Variants in CACNB2 observed in about 807,000 individuals in gnomAD.
The protein encoded by CACNB2 is voltage-dependent L-type calcium channel subunit beta-2.
Under a neutral mutation model 73.3 loss-of-function variants are expected in CACNB2, and 42 were observed. That is an observed-to-expected ratio of 0.57 (90% CI 0.45 to 0.74). The LOEUF (loss-of-function observed/expected upper bound fraction) is 0.74. Ranked by LOEUF, CACNB2 falls within the 30% of genes least tolerant of loss-of-function variation. CACNB2 has a pLI of 0.00. For missense variants in CACNB2, 940 were observed against 853.0 expected, an observed-to-expected ratio of 1.10 and a Z score of -1.27; for synonymous variants, 348 against 310.3, an observed-to-expected ratio of 1.12 and a Z score of -1.28.
intron 9 of CACNB2, among the ~76,000 whole-genome samples, chr10:18,527,156 G>A (rs905069884): frequency 5.3e-5 from 8 of 151,936 alleles, no homozygotes; most frequent in East Asian, 1.9e-4. Flanking sequence ...CGAGGGAGGC[G>A]GATCACTTGA....
intron 2 of CACNB2, among the ~76,000 whole-genome samples, chr10:18,213,805 C>T (rs2131361516): frequency 6.6e-6 from 1 of 152,308 alleles, no homozygotes; most frequent in Non-Finnish European, 1.5e-5. Flanking sequence ...GACAGAGTAT[C>T]TGTGGCCAAG....
At chr10:18,197,656 T>G (rs1413471619) in intron 2 of CACNB2, among the ~76,000 whole-genome samples, 1 of 152,186 alleles carries the variant, frequency 6.6e-6, no homozygotes. Flanking sequence ...TTGGGCCACA[T>G]GCCGGTTCCT....
intron 3 of CACNB2, among the ~76,000 whole-genome samples, chr10:18,411,365 G>A (rs1393076594): frequency 1.3e-5 from 2 of 152,130 alleles, no homozygotes; most frequent in African/African-American, 2.4e-5. Flanking sequence ...CATTGGTACT[G>A]TCGTTCTTCC....
At position 18,449,112 on chromosome 10, in the gene CACNB2, C is replaced by A. The variant is rs182200147; in HGVS notation, c.333+47069C>A. On this transcript the variant is annotated intron_variant, in intron 3 of 13. Transcript: ENST00000324631. ...GCTAAAACGAGAACGTGCCCAGGTG[C>A]GGTGGCTCACGCCTGTAATCCCAGC... Among the ~76,000 whole-genome samples the A allele has an allele frequency of 1.9e-4, 29 of 152,228 alleles. No individual in the cohort carries two copies. In the East Asian group the frequency reaches 5.4e-3, roughly 28 times the overall value.
chr10:18,399,320 T>G (rs1032237591), intron 2 of CACNB2, among the ~76,000 whole-genome samples: 1 of 152,224 alleles, frequency 6.6e-6, no homozygotes, highest in Non-Finnish European at 1.5e-5. Context: ...CTTGTAAATT[T>G]GCTTGAACGA....
intron 3 of CACNB2, among the ~76,000 whole-genome samples, chr10:18,415,785 G>A (rs1458208921): frequency 3.3e-5 from 5 of 152,044 alleles, no homozygotes; most frequent in East Asian, 3.9e-4. Context: ...ATAACCATTC[G>A]TAAGTGTACA....
At chr10:18,247,796 C>G (rs1043685378) in intron 2 of CACNB2, among the ~76,000 whole-genome samples, 11 of 152,200 alleles carry the variant, frequency 7.2e-5, no homozygotes, top group African/African-American at 2.7e-4. Flanking sequence ...CCATTACCTT[C>G]ATAGTATCTG....
chr10:18,201,039 A>C (rs2034855959), intron 2 of CACNB2, among the ~76,000 whole-genome samples: 1 of 152,188 alleles, frequency 6.6e-6, no homozygotes, highest in South Asian at 2.1e-4. Context: ...TTATGGCCAA[A>C]TTAATTCTAT....
At chr10:18,400,120 G>A (rs925594245) in intron 2 of CACNB2, among the ~76,000 whole-genome samples, 1 of 152,190 alleles carries the variant, frequency 6.6e-6, no homozygotes, top group Admixed American at 6.5e-5. Flanking sequence ...TTATAAAGCG[G>A]TGATTACTTT....
chr10:18,301,049 G>C (rs1050463788), intron 2 of CACNB2, among the ~76,000 whole-genome samples: 1 of 152,118 alleles, frequency 6.6e-6, no homozygotes, highest in Admixed American at 6.6e-5. Flanking sequence ...AAGTGAGATG[G>C]AGACTCTCAA....
chr10:18,310,637 A>T (rs2039926695), intron 2 of CACNB2, among the ~76,000 whole-genome samples: 2 of 150,384 alleles, frequency 1.3e-5, no homozygotes, highest in African/African-American at 2.4e-5. Context: ...AAGTAAAAAA[A>T]AAAAGAAAAT....
At chr10:18,428,633 C>T (rs186057992) in intron 3 of CACNB2, among the ~76,000 whole-genome samples, 1 of 151,024 alleles carries the variant, frequency 6.6e-6, no homozygotes, top group Non-Finnish European at 1.5e-5. Context: ...TTGTAGTGAG[C>T]CCAGATCACA....
intron 3 of CACNB2, among the ~76,000 whole-genome samples, chr10:18,412,595 C>T (rs1411080421): frequency 3.9e-5 from 6 of 152,224 alleles, no homozygotes; most frequent in Admixed American, 6.5e-5. Flanking sequence ...CCCTTGACAT[C>T]TCTGCAAACT....
At chr10:18,526,745 T>C (rs980885356) in intron 9 of CACNB2, among the ~76,000 whole-genome samples, 3 of 152,210 alleles carry the variant, frequency 2.0e-5, no homozygotes, top group African/African-American at 7.2e-5. Flanking sequence ...ACAATCATCA[T>C]CTTTAATTAT....
intron 2 of CACNB2, among the ~76,000 whole-genome samples, chr10:18,346,823 C>G (rs1303987214): frequency 6.6e-6 from 1 of 151,648 alleles, no homozygotes. Flanking sequence ...TCTGAAACTC[C>G]TGAGCTCAAG....
chr10:18,209,939 G>A (rs1266391112), intron 2 of CACNB2, among the ~76,000 whole-genome samples: 1 of 152,134 alleles, frequency 6.6e-6, no homozygotes, highest in South Asian at 2.1e-4. Context: ...GCTCCTTGGT[G>A]GATGTCTAGA....
At chr10:18,155,873 AGG>A (rs2032003186) in intron 2 of CACNB2, among the ~76,000 whole-genome samples, 1 of 91,374 alleles carries the variant, frequency 1.1e-5, no homozygotes, top group African/African-American at 3.9e-5. Flanking sequence ...TGAGAGAGAG[AGG>A]GAGAGAGAGA....
intron 2 of CACNB2, among the ~76,000 whole-genome samples, chr10:18,259,431 A>C (rs561156037): frequency 6.7e-4 from 101 of 151,742 alleles, no homozygotes; most frequent in Admixed American, 1.6e-3. Context: ...TAGGCTGGGC[A>C]CTGTGGCTTA....
chr10:18,147,587 T>C (rs773269641), intron 1 of CACNB2, among the ~76,000 whole-genome samples: 35 of 152,336 alleles, frequency 2.3e-4, no homozygotes, highest in Middle Eastern at 6.8e-3. Flanking sequence ...CAACCTGGGC[T>C]GCACTAATGA....
Sources: allele counts gnomAD v4.1 joint callset (sites outside exome capture counted in the v4.1 genomes callset), GRCh38; gene constraint gnomAD v4.1.1; transcripts MANE v1.5; gene names NCBI Gene and HGNC (gene_info 2026-07-23, HGNC 2026-07-21).